The following RBM42 variants were observed in gnomAD, a reference collection of about 807,000 sequenced individuals.
RBM42 encodes the protein RNA-binding protein 42.
RBM42 carries 21 observed loss-of-function variants against 41.4 expected under a neutral mutation model. The observed-to-expected ratio is 0.51, with a 90% CI of 0.36 to 0.73. RBM42 has a LOEUF of 0.73. Among genes scored for constraint, RBM42 ranks in the 30% least tolerant of loss-of-function variants. The pLI, the probability that RBM42 is intolerant of heterozygous loss-of-function variation, is 0.00. For missense variants in RBM42, 539 were observed against 680.4 expected (o/e 0.79, Z 2.31); for synonymous variants, 272 against 271.2 (o/e 1.00, Z -0.03).
chr19:35,634,316 A>C lies in RBM42; in HGVS notation c.1078A>C (p.Ile360Leu), dbSNP rs532627221. ...KGKPEKLKRC[I>L]RTAAGSSWED... ...GAAGCCAGAGAAATTGAAACGGTGC[A>C]TTCGCACAGCGGCAGGGAGCAGCTG... The change falls in exon 8 of 10, where the codon ATT becomes CTT. Residue 360 changes from isoleucine to leucine, a missense_variant. Transcript: ENST00000262633. The C allele has an allele frequency of 6.2e-7, 1 of 1,614,206 alleles. No homozygotes were observed. The highest frequency in any genetic ancestry group is 8.5e-7 in the Non-Finnish European group (1 of 1,180,036).
intron 7 of RBM42, 24 bp downstream of exon 7, chr19:35,634,043 A>C (rs1256188152): frequency 6.8e-7 from 1 of 1,466,194 alleles, no homozygotes; most frequent in Admixed American, 2.6e-5. Flanking sequence ...CTAGCGGTGA[A>C]GGGACAGAAG....
intron 4 of RBM42, 55 bp downstream of exon 4, chr19:35,631,460 C>T (rs774751548): frequency 5.3e-6 from 8 of 1,501,954 alleles, no homozygotes; most frequent in Admixed American, 3.5e-5. Flanking sequence ...GTTTACATGA[C>T]TTCAGCCTCT....
intron 4 of RBM42, chr19:35,631,639 A>C: frequency 1.7e-6 from 1 of 583,310 alleles, no homozygotes; most frequent in Non-Finnish European, 3.0e-6. Context: ...TTACCACAGC[A>C]CTTAACACCT....
rs114479525 is a variant in RBM42, at chr19:35,633,276, G to A, written c.684+24G>A. The A allele has an allele frequency of 3.4e-4, 515 of 1,527,998 alleles. 1 individual carries two copies. In the African/African-American group the frequency reaches 6.0e-3, roughly 18 times the overall value. The allele number at this position is 1,527,998 out of a possible 1,614,324, so 94.7% of individuals were successfully genotyped here. On this transcript the variant is annotated intron_variant, in intron 6 of 9. Coordinates refer to ENST00000262633, the MANE Select transcript of RBM42 (RefSeq NM_024321.5). ...TGGTGAGTGTGAACAGGGAACTAAC[G>A]GTCAGATGTGCGGTGGACGGGGAGA... is the stretch of plus-strand genomic sequence containing the variant.
At position 35,629,539 on chromosome 19, in the gene RBM42, G is replaced by A. The variant is rs762045982; in HGVS notation, c.148G>A (p.Gly50Arg). The change falls in exon 2 of 10, where the codon GGG (glycine) becomes AGG (arginine). Residue 50 changes from glycine (G) to arginine (R), a missense_variant. Physicochemically the swap from Gly to Arg is moderately radical, Grantham distance 125. This residue lies in a region of RBM42 where 429 missense variants were observed against 488.9 expected (regional missense o/e 0.88). Coordinates refer to ENST00000262633, the MANE Select transcript of RBM42 (RefSeq NM_024321.5). ...EMALFEQEVL[G>R]APVPGIPTAV... ...CTCCAGGTTTGAGCAGGAAGTTCTG[G>A]GGGCTCCAGTACCTGGAATCCCAAC... 1 of 1,614,180 alleles carries A rather than the reference G, an allele frequency of 6.2e-7. No homozygotes were observed. The highest frequency in any genetic ancestry group is 8.5e-7 in the Non-Finnish European group (1 of 1,180,036).
At position 35,631,240 on chromosome 19, in the gene RBM42, C is replaced by G; in HGVS notation, c.367+16C>G. The G allele has an allele frequency of 6.2e-7, 1 of 1,613,324 alleles. No homozygotes were observed. ...GTAGGCCCTGGTAAGTAAAGAGTAG[C>G]AAGGTGAGGGGGTTGGGCAATCAGG... is the stretch of plus-strand genomic sequence containing the variant. On this transcript the variant is annotated intron_variant, in intron 3 of 9. Coordinates refer to ENST00000262633, the MANE Select transcript of RBM42 (RefSeq NM_024321.5).
Position 35,637,655 on chromosome 19 carries a change from A to C in RBM42, c.*101A>C. 1.2e-6 allele frequency: 1 copy of C among 868,018 alleles called. No homozygotes were observed. The highest frequency in any genetic ancestry group is 1.6e-5 in the South Asian group (1 of 62,202). 53.8% of individuals were successfully genotyped at this position (868,018 alleles called of 1,614,324 possible). ...CTGTCCACCCATCCCCTGCCCCAAAACCAGTTTCAATAAATTTACGTTCAT... is the reference window on the plus strand; with the variant it reads ...CTGTCCACCCATCCCCTGCCCCAAACCCAGTTTCAATAAATTTACGTTCAT... On this transcript the variant is annotated 3_prime_UTR_variant, in exon 10 of 10. Coordinates refer to ENST00000262633, the MANE Select transcript of RBM42 (RefSeq NM_024321.5). This position sits in a 1 kb window ranked among gnomAD's most constrained non-coding sequence, Gnocchi z 7.0.
At chr19:35,631,552 T>C in intron 4 of RBM42, 147 bp downstream of exon 4, 1 of 714,472 alleles carries the variant, frequency 1.4e-6, no homozygotes, top group Non-Finnish European at 2.3e-6. Context: ...CCTGATCATG[T>C]CCTTTCTGAT....
At chr19:35,630,363 G>A (rs1419228446) in intron 2 of RBM42, among the ~76,000 whole-genome samples, 2 of 151,924 alleles carry the variant, frequency 1.3e-5, no homozygotes, top group East Asian at 3.9e-4. Flanking sequence ...GTGTTGTTGT[G>A]TTCAAGGAAC....
At chr19:35,632,568 C>G (rs1235212103) in intron 4 of RBM42, among the ~76,000 whole-genome samples, 1 of 152,148 alleles carries the variant, frequency 6.6e-6, no homozygotes, top group Non-Finnish European at 1.5e-5. Context: ...CAGAGGGCTC[C>G]CCTCTCTTAG....
intron 8 of RBM42, among the ~76,000 whole-genome samples, chr19:35,636,079 C>T (rs1967492879): frequency 6.6e-6 from 1 of 152,140 alleles, no homozygotes; most frequent in Non-Finnish European, 1.5e-5. Flanking sequence ...GACCGTCTAC[C>T]TGGCCCAGAG....
In RBM42 at chr19:35,629,541, G is replaced by A; in HGVS notation, c.150G>A (p.Gly50=). ...CCAGGTTTGAGCAGGAAGTTCTGGGGGCTCCAGTACCTGGAATCCCAACTG... is the reference window on the plus strand; with the variant it reads ...CCAGGTTTGAGCAGGAAGTTCTGGGAGCTCCAGTACCTGGAATCCCAACTG... The part of the protein sequence containing the change: ...EMALFEQEVL[G]APVPGIPTAV... Residue 50 remains glycine, a synonymous_variant, in exon 2 of 10, where the codon GGG becomes GGA. Transcript: ENST00000262633. 1 of 1,614,188 alleles carries A rather than the reference G, an allele frequency of 6.2e-7. No homozygotes were observed. The highest frequency in any genetic ancestry group is 1.1e-5 in the South Asian group (1 of 91,086).
Position 35,629,174 on chromosome 19 carries a change from C to T in RBM42, c.21C>T (p.Ala7=), listed in dbSNP as rs1967359822. The change falls in exon 1 of 10, where the codon GCC becomes GCT. Residue 7 remains alanine, a synonymous_variant. Transcript: ENST00000262633. The stretch of plus-strand genomic sequence containing the variant: ...CAGCGATGGCTGGGGCGGGGCCAGC[C>T]CCGGGACTCCCGGGTGCAGGAGGAC... MAGAGP[A]PGLPGAGGPV... The T allele has an allele frequency of 6.6e-7, 1 of 1,524,910 alleles. No individual in the cohort carries two copies. Among genetic ancestry groups the T allele is most frequent in the Non-Finnish European group, 8.8e-7 (1 of 1,140,558 alleles). 94.5% of individuals were successfully genotyped at this position (1,524,910 alleles called of 1,614,324 possible).
intron 2 of RBM42, 36 bp from the exon 3 acceptor site, chr19:35,631,104 G>T (rs181521766): frequency 6.3e-7 from 1 of 1,581,664 alleles, no homozygotes; most frequent in South Asian, 1.1e-5. Flanking sequence ...TGGGAATGCT[G>T]AGTCAGGCCC....
chr19:35,633,037 TC>T, intron 5 of RBM42, 36 bp downstream of exon 5: 7 of 1,599,250 alleles, frequency 4.4e-6, no homozygotes, highest in African/African-American at 1.3e-5. Context: ...GCCACATAAC[TC>T]CCCCCAGGCC....
At position 35,637,016 on chromosome 19, in the gene RBM42, A is replaced by T. The variant is rs1967509536; in HGVS notation, c.1136-142A>T. ...CAGGTGCCAGCAGAGCTCCTGGCGCAGGGTCAGTAGGTGTTGACCATTATT... is the reference window on the plus strand; with the variant it reads ...CAGGTGCCAGCAGAGCTCCTGGCGCTGGGTCAGTAGGTGTTGACCATTATT... On this transcript the variant is annotated intron_variant, in intron 8 of 9. Transcript: ENST00000262633. The surrounding 1 kb of genome is among the most constrained non-coding windows in gnomAD (Gnocchi z 7.0). 5.5e-6 allele frequency: 4 copies of T among 725,878 alleles called. No homozygotes were observed. The highest frequency in any genetic ancestry group is 8.9e-6 in the Non-Finnish European group (4 of 448,972). The allele number at this position is 725,878 out of a possible 1,614,324, so 45.0% of individuals were successfully genotyped here. A position where few individuals can be genotyped will look rare whatever the true frequency, so the allele number is the denominator to read the frequency against.
intron 4 of RBM42, 96 bp downstream of exon 4, chr19:35,631,501 G>A (rs1367856147): frequency 3.5e-6 from 4 of 1,151,770 alleles, no homozygotes; most frequent in Non-Finnish European, 3.8e-6. Flanking sequence ...ATTACCCTTT[G>A]CCTTTGATCC....
At chr19:35,634,396 C>T (rs765087885) in intron 8 of RBM42, 23 bp downstream of exon 8, 1 of 1,583,994 alleles carries the variant, frequency 6.3e-7, no homozygotes, top group Admixed American at 1.7e-5. Context: ...AGCTCGAGGT[C>T]AGGCGTGGCT....
intron 8 of RBM42, among the ~76,000 whole-genome samples, chr19:35,636,449 T>C (rs1419476164): frequency 6.6e-6 from 1 of 152,178 alleles, no homozygotes; most frequent in African/African-American, 2.4e-5. Flanking sequence ...CGTGAGCCAC[T>C]GTGCTTGGCT....
Sources: allele counts gnomAD v4.1 joint callset (sites outside exome capture counted in the v4.1 genomes callset), GRCh38; gene constraint gnomAD v4.1.1; regional missense constraint gnomAD v4.1.1; non-coding constraint Gnocchi (gnomAD v3.1); transcripts MANE v1.5; gene names NCBI Gene and HGNC (gene_info 2026-07-23, HGNC 2026-07-21).